CCDC178: variants seen among roughly 807,000 people sequenced by gnomAD.
The protein encoded by CCDC178 is coiled-coil domain-containing protein 178.
CCDC178 carries 126 observed loss-of-function variants against 117.4 expected under a neutral mutation model. The observed-to-expected ratio is 1.07, with a 90% confidence interval of 0.93 to 1.24. The LOEUF is 1.24. Ranked by LOEUF, CCDC178 falls within the 50% of genes most tolerant of loss-of-function variation. The pLI, the probability that CCDC178 is intolerant of heterozygous loss-of-function variation, is 0.00. For missense variants in CCDC178, 1,030 were observed against 986.9 expected (o/e 1.04, Z -0.59); for synonymous variants, 283 against 313.4 (o/e 0.90, Z 1.02).
At chr18:33,074,575 C>T (rs193053384) in intron 21 of CCDC178, among the ~76,000 whole-genome samples, 1 of 152,282 alleles carries the variant, frequency 6.6e-6, no homozygotes, top group Admixed American at 6.5e-5. Flanking sequence ...CATTTGGAAG[C>T]TGAGCAGAGT....
At chr18:33,109,304 T>A (rs1244356028) in intron 20 of CCDC178, among the ~76,000 whole-genome samples, 2 of 151,720 alleles carry the variant, frequency 1.3e-5, no homozygotes, top group African/African-American at 4.8e-5. Flanking sequence ...TCAAATTGCT[T>A]AAGCATTGAA....
chr18:33,357,826 A>G (rs12964738), intron 6 of CCDC178, among the ~76,000 whole-genome samples: 36 of 57,896 alleles, frequency 6.2e-4, no homozygotes, highest in Non-Finnish European at 1.1e-3. Flanking sequence ...ATATATATAT[A>G]TGTGTATGCA....
intron 21 of CCDC178, among the ~76,000 whole-genome samples, chr18:32,989,606 T>G (rs1217296768): frequency 6.6e-6 from 1 of 152,202 alleles, no homozygotes; most frequent in Non-Finnish European, 1.5e-5. Context: ...TGTATTACAA[T>G]AAAACTTTAA....
rs2058686161 is a variant in CCDC178, at chr18:33,178,168, T to TA, written c.2238+33727dup. ...CCCAATCTTTTCAAAACTAAACTCA[T>TA]AATCCCCTCTCCGTCACAGGTGCTC... On this transcript the variant is annotated intron_variant, in intron 20 of 22. Transcript: ENST00000383096. Among the ~76,000 whole-genome samples, 2 of 152,088 alleles carry TA rather than the reference T, an allele frequency of 1.3e-5. 1 individual carries two copies. The highest frequency in any genetic ancestry group is 4.1e-4 in the South Asian group (2 of 4,824).
chr18:33,338,803 G>T (rs932028033), intron 9 of CCDC178, among the ~76,000 whole-genome samples: 1 of 152,020 alleles, frequency 6.6e-6, no homozygotes, highest in Non-Finnish European at 1.5e-5. Flanking sequence ...AATGTACAGT[G>T]ATAAGTGCAC....
Position 33,215,736 on chromosome 18 carries a change from G to A in CCDC178, c.1933-41C>T, listed in dbSNP as rs188071651. The A allele has an allele frequency of 1.5e-4, 203 of 1,369,620 alleles. No homozygotes were observed. The African/African-American group carries it at 2.9e-3, about 19-fold the overall frequency. The allele number at this position is 1,369,620 out of a possible 1,614,324, so 84.8% of individuals were successfully genotyped here. The stretch of plus-strand genomic sequence containing the variant: ...CACAAGTGTTTATTTTAAATACTTG[G>A]ATTTTCAAATCCCTGCTATTTAGGA... On this transcript the variant is annotated intron_variant, in intron 18 of 22. Transcript: ENST00000383096.
At chr18:32,971,979 C>A (rs2054937123) in intron 22 of CCDC178, among the ~76,000 whole-genome samples, 1 of 152,026 alleles carries the variant, frequency 6.6e-6, no homozygotes, top group Non-Finnish European at 1.5e-5. Flanking sequence ...TGCCTCTTCA[C>A]TCTGATGCTA....
At chr18:33,250,345 G>A (rs549659347) in intron 14 of CCDC178, among the ~76,000 whole-genome samples, 1 of 151,634 alleles carries the variant, frequency 6.6e-6, no homozygotes, top group Non-Finnish European at 1.5e-5. Flanking sequence ...AATTTAAAAT[G>A]TCTAGAATTA....
intron 21 of CCDC178, chr18:32,983,414 T>C: frequency 2.1e-6 from 2 of 963,560 alleles, no homozygotes; most frequent in East Asian, 2.6e-5. Flanking sequence ...GTATTTCCTA[T>C]CTACAAACAC....
At chr18:33,018,921 C>G (rs1422254665) in intron 21 of CCDC178, among the ~76,000 whole-genome samples, 4 of 151,912 alleles carry the variant, frequency 2.6e-5, no homozygotes, top group Admixed American at 2.6e-4. Flanking sequence ...TACAAAAATT[C>G]CCTGTTTGCA....
intron 20 of CCDC178, among the ~76,000 whole-genome samples, chr18:33,119,951 C>T (rs1162918479): frequency 8.6e-5 from 13 of 152,016 alleles, no homozygotes; most frequent in Middle Eastern, 6.8e-3. Context: ...AATCAAACAC[C>T]GCTTGTTCTC....
At chr18:33,279,193 T>C (rs142849924) in intron 12 of CCDC178, among the ~76,000 whole-genome samples, 10,471 of 152,222 alleles carry the variant, frequency 0.069, 563 homozygotes, top group African/African-American at 0.14. Context: ...CATAATTCTA[T>C]ATCTAGAAAA....
chr18:33,014,905 A>T (rs1433985760), intron 21 of CCDC178, among the ~76,000 whole-genome samples: 1 of 152,186 alleles, frequency 6.6e-6, no homozygotes, highest in Non-Finnish European at 1.5e-5. Context: ...TTGCCAAATT[A>T]TATTAATTGA....
At chr18:33,133,608 A>G (rs887823931) in intron 20 of CCDC178, among the ~76,000 whole-genome samples, 6 of 151,874 alleles carry the variant, frequency 4.0e-5, no homozygotes, top group African/African-American at 1.4e-4. Context: ...ACGATTAGAG[A>G]GTCTATTAAT....
At chr18:33,413,334 G>T (rs1036684805) in intron 2 of CCDC178, among the ~76,000 whole-genome samples, 1 of 151,992 alleles carries the variant, frequency 6.6e-6, no homozygotes, top group Non-Finnish European at 1.5e-5. Flanking sequence ...TTAAAGAAAA[G>T]TAAGCTATAG....
At chr18:33,398,379 A>C (rs2063667508) in intron 3 of CCDC178, among the ~76,000 whole-genome samples, 1 of 152,192 alleles carries the variant, frequency 6.6e-6, no homozygotes, top group African/African-American at 2.4e-5. Flanking sequence ...ATTTTTAAAA[A>C]ATTTAGATTC....
intron 11 of CCDC178, among the ~76,000 whole-genome samples, chr18:33,302,032 TG>T (rs1233383551): frequency 2.0e-5 from 3 of 152,196 alleles, no homozygotes; most frequent in African/African-American, 7.2e-5. Context: ...GTTTTGGTCA[TG>T]GGAGTGGATC....
intron 21 of CCDC178, among the ~76,000 whole-genome samples, chr18:33,010,953 A>G (rs1481827099): frequency 6.6e-6 from 1 of 152,186 alleles, no homozygotes; most frequent in Admixed American, 6.5e-5. Context: ...CACGCCAGGC[A>G]GCATATGTTA....
intron 21 of CCDC178, among the ~76,000 whole-genome samples, chr18:33,026,663 T>A (rs1421938651): frequency 1.3e-5 from 2 of 151,812 alleles, no homozygotes; most frequent in Non-Finnish European, 2.9e-5. Flanking sequence ...TATGGATTGA[T>A]AACAGAAATG....
Sources: allele counts gnomAD v4.1 joint callset (sites outside exome capture counted in the v4.1 genomes callset), GRCh38; gene constraint gnomAD v4.1.1; transcripts MANE v1.5; gene names NCBI Gene and HGNC (gene_info 2026-07-23, HGNC 2026-07-21).